The following HTR2A variants were observed in gnomAD, a reference collection of about 807,000 sequenced individuals.
HTR2A encodes 5-hydroxytryptamine receptor 2A.
In HTR2A, 14 loss-of-function variants were observed where a neutral mutation model predicts 31.0. That is an observed-to-expected ratio of 0.45 (90% CI 0.30 to 0.71). HTR2A has a LOEUF of 0.71. Among genes scored for constraint, HTR2A ranks in the 30% least tolerant of loss-of-function variants. The pLI is 0.09. For synonymous variants in HTR2A, 209 were observed against 225.2 expected (o/e 0.93, Z 0.64); for missense variants, 442 against 573.3 (o/e 0.77, Z 2.34).
chr13:46,854,851 A>C (rs2138204932), intron 3 of HTR2A, among the ~76,000 whole-genome samples: 1 of 152,326 alleles, frequency 6.6e-6, no homozygotes, highest in South Asian at 2.1e-4. Context: ...GTAGCTGTGA[A>C]TGTGATCTTA....
chr13:46,862,608 C>CT (rs912797576), intron 3 of HTR2A, among the ~76,000 whole-genome samples: 21 of 152,314 alleles, frequency 1.4e-4, no homozygotes, highest in African/African-American at 4.3e-4. Context: ...CCAAAACTGG[C>CT]TGGCCACTCG....
At chr13:46,891,857 T>C (rs1401700890) in intron 3 of HTR2A, among the ~76,000 whole-genome samples, 1 of 152,150 alleles carries the variant, frequency 6.6e-6, no homozygotes, top group Non-Finnish European at 1.5e-5. Context: ...GTGTGTGGTA[T>C]CATAAAAGGA....
chr13:46,877,420 T>C (rs1158776017), intron 3 of HTR2A, among the ~76,000 whole-genome samples: 3 of 152,168 alleles, frequency 2.0e-5, no homozygotes, highest in African/African-American at 4.8e-5. Flanking sequence ...TGATATTAAG[T>C]AGACAAACAA....
Position 46,835,373 on chromosome 13 carries a change from G to A in HTR2A, c.880C>T (p.Leu294Phe). 6.2e-7 allele frequency: 1 copy of A among 1,614,096 alleles called. No homozygotes were observed. The highest frequency in any genetic ancestry group is 8.5e-7 in the Non-Finnish European group (1 of 1,179,980). ...TCCCTATGGATCGACCGCTGGAAGA[G>A]CTTTTCTGAAGACAAAGAACTCTGA... ...LPQSSLSSEK[L>F]FQRSIHREPG... is the part of the protein sequence containing the mutation. Residue 294 changes from leucine (L) to phenylalanine (F), a missense_variant, in exon 4 of 4, where the codon CTC becomes TTC. Leu to Phe is a conservative substitution (Grantham distance 22). Coordinates refer to ENST00000542664, the MANE Select transcript of HTR2A (RefSeq NM_000621.5).
chr13:46,870,891 G>A (rs1950859197), intron 3 of HTR2A, among the ~76,000 whole-genome samples: 1 of 152,066 alleles, frequency 6.6e-6, no homozygotes, highest in Non-Finnish European at 1.5e-5. Context: ...ATATAACTAA[G>A]ATTATATAGT....
intron 3 of HTR2A, among the ~76,000 whole-genome samples, chr13:46,871,312 A>G (rs934800287): frequency 1.3e-5 from 2 of 152,214 alleles, no homozygotes; most frequent in Non-Finnish European, 2.9e-5. Context: ...GAAAAAGTGA[A>G]ATCAGTAATG....
Position 46,834,605 on chromosome 13 carries a change from T to C in HTR2A, c.*232A>G, listed in dbSNP as rs781353528. On this transcript the variant is annotated 3_prime_UTR_variant, in exon 4 of 4. Transcript: ENST00000542664. ...TTTAAAGACATATCATTTACAATGTTATAAATAAGTATCAGAAAGCTCACA... is the reference window on the plus strand; with the variant it reads ...TTTAAAGACATATCATTTACAATGTCATAAATAAGTATCAGAAAGCTCACA... 8.1e-6 allele frequency: 4 copies of C among 496,446 alleles called. No homozygotes were observed. The highest frequency in any genetic ancestry group is 1.4e-5 in the Non-Finnish European group (4 of 282,494). The allele number at this position is 496,446 out of a possible 1,614,324, so 30.8% of individuals were successfully genotyped here. A position where few individuals can be genotyped will look rare whatever the true frequency, so the allele number is the denominator to read the frequency against.
chr13:46,875,759 T>A (rs1950904074), intron 3 of HTR2A, among the ~76,000 whole-genome samples: 1 of 152,182 alleles, frequency 6.6e-6, no homozygotes, highest in African/African-American at 2.4e-5. Context: ...TGAAAATGTT[T>A]CCGATTAAAA....
At chr13:46,856,375 ATGTAAAG>A (rs1484774965) in intron 3 of HTR2A, 11 of 152,202 alleles carry the variant, frequency 7.2e-5, no homozygotes, top group Non-Finnish European at 1.5e-4. Context: ...GGGGAGAAAA[ATGTAAAG>A]TGTTTCTTCA....
At chr13:46,871,416 G>A (rs1950862539) in intron 3 of HTR2A, among the ~76,000 whole-genome samples, 1 of 152,120 alleles carries the variant, frequency 6.6e-6, no homozygotes, top group South Asian at 2.1e-4. Context: ...TTCTCTTTTG[G>A]TCTAATTTTA....
At chr13:46,872,031 T>C (rs1950866461) in intron 3 of HTR2A, among the ~76,000 whole-genome samples, 1 of 152,244 alleles carries the variant, frequency 6.6e-6, no homozygotes, top group Non-Finnish European at 1.5e-5. Flanking sequence ...TAATGGACAG[T>C]GATATCTTTA....
At position 46,833,942 on chromosome 13, in the gene HTR2A, C is replaced by T. The variant is rs1440780840; in HGVS notation, c.*895G>A. ...ATCCTCAATCCTGACACAGTTACATCAATATACATTTACTGCTCAAAAGAG... is the reference window on the plus strand; with the variant it reads ...ATCCTCAATCCTGACACAGTTACATTAATATACATTTACTGCTCAAAAGAG... On this transcript the variant is annotated 3_prime_UTR_variant, in exon 4 of 4. Coordinates refer to ENST00000542664, the MANE Select transcript of HTR2A (RefSeq NM_000621.5). 6.6e-6 allele frequency: 1 copy of T among 152,182 alleles called. No individual in the cohort carries two copies. Among genetic ancestry groups the T allele is most frequent in the African/African-American group, 2.4e-5 (1 of 41,448 alleles). The allele number at this position is 152,182 out of a possible 1,614,324, so 9.4% of individuals were successfully genotyped here.
At chr13:46,851,525 C>T (rs182161254) in intron 3 of HTR2A, among the ~76,000 whole-genome samples, 43 of 152,262 alleles carry the variant, frequency 2.8e-4, no homozygotes, top group Admixed American at 2.3e-3. Flanking sequence ...AGAACACTTT[C>T]GCACGGAATA....
At chr13:46,893,191 T>C (rs767460570) in intron 2 of HTR2A, among the ~76,000 whole-genome samples, 3 of 152,182 alleles carry the variant, frequency 2.0e-5, no homozygotes, top group Non-Finnish European at 4.4e-5. Context: ...GGGGTATGTG[T>C]AGGGAGAGCT....
chr13:46,896,966 A>C lies in HTR2A; in HGVS notation c.-621T>G, dbSNP rs986435382. The C allele has an allele frequency of 3.0e-5, 22 of 722,380 alleles. No individual in the cohort carries two copies. In the African/African-American group the frequency reaches 3.8e-4, roughly 12 times the overall value. 44.7% of individuals were successfully genotyped at this position (722,380 alleles called of 1,614,324 possible). A position where few individuals can be genotyped will look rare whatever the true frequency, so the allele number is the denominator to read the frequency against. Reference sequence around the variant, plus strand: ...TTAGAAATCATTCACGAGCCCCTCAAAGTCGCACAAAAGAACTGCATGGGA... The same window carrying C: ...TTAGAAATCATTCACGAGCCCCTCACAGTCGCACAAAAGAACTGCATGGGA... On this transcript the variant is annotated 5_prime_UTR_variant, in exon 1 of 4. Transcript: ENST00000542664.
At chr13:46,887,524 CAGAAAAG>C (rs1419464472) in intron 3 of HTR2A, among the ~76,000 whole-genome samples, 1 of 150,862 alleles carries the variant, frequency 6.6e-6, no homozygotes, top group Non-Finnish European at 1.5e-5. Context: ...CCCCAAAACT[CAGAAAAG>C]AGAAATCCCT....
chr13:46,892,244 G>A, intron 3 of HTR2A, 146 bp downstream of exon 3: 3 of 779,078 alleles, frequency 3.9e-6, no homozygotes, highest in Non-Finnish European at 6.5e-6. Flanking sequence ...AAGCGAATCT[G>A]ATAATTATGA....
In HTR2A at chr13:46,834,583, A is replaced by T. The variant is rs1876363348; in HGVS notation, c.*254T>A. ...TTATACAATAAAAGTGAATCATTTT[A>T]AAGACATATCATTTACAATGTTATA... On this transcript the variant is annotated 3_prime_UTR_variant, in exon 4 of 4. Transcript: ENST00000542664. The T allele has an allele frequency of 6.9e-6, 3 of 436,342 alleles. No homozygotes were observed. The highest frequency in any genetic ancestry group is 7.8e-5 in the Admixed American group (2 of 25,582). The allele number at this position is 436,342 out of a possible 1,614,324, so 27.0% of individuals were successfully genotyped here.
At chr13:46,882,541 T>A (rs1045753368) in intron 3 of HTR2A, among the ~76,000 whole-genome samples, 1 of 152,156 alleles carries the variant, frequency 6.6e-6, no homozygotes, top group African/African-American at 2.4e-5. Flanking sequence ...TGGAAAAGGC[T>A]TTTGTAGCAA....
Sources: gnomAD v4.1 joint callset for allele counts (sites outside exome capture counted in the v4.1 genomes callset) on GRCh38, gnomAD v4.1.1 for gene constraint, MANE v1.5 for transcripts, NCBI Gene and HGNC (gene_info 2026-07-23, HGNC 2026-07-21) for gene names.